Variants in IQCM observed in about 807,000 individuals in gnomAD.
IQCM encodes IQ domain-containing protein M.
In IQCM, 45 loss-of-function variants were observed where a neutral mutation model predicts 57.6. That is an observed-to-expected ratio of 0.78 (90% CI 0.62 to 1.00). The LOEUF is 1.00. Among genes scored for constraint, IQCM ranks in the 50% least tolerant of loss-of-function variants. The pLI is 0.00. For synonymous variants in IQCM, 148 were observed against 158.9 expected (o/e 0.93, Z 0.51); for missense variants, 468 against 511.6 (o/e 0.91, Z 0.82).
intron 12 of IQCM, among the ~76,000 whole-genome samples, chr4:149,468,989 G>T (rs1218188066): frequency 1.3e-5 from 2 of 152,160 alleles, no homozygotes; most frequent in Non-Finnish European, 2.9e-5. Flanking sequence ...CATCATCAAA[G>T]ACCAAAGGTA....
chr4:149,655,189 T>G (rs1300330818), intron 7 of IQCM, among the ~76,000 whole-genome samples: 1 of 152,188 alleles, frequency 6.6e-6, no homozygotes, highest in South Asian at 2.1e-4. Flanking sequence ...CCATCAATAC[T>G]TATTGACTGT....
At chr4:149,791,463 T>C (rs996862344) in intron 2 of IQCM, among the ~76,000 whole-genome samples, 1 of 152,128 alleles carries the variant, frequency 6.6e-6, no homozygotes, top group Non-Finnish European at 1.5e-5. Flanking sequence ...TATTTTGAAA[T>C]ATGCAAAAAA....
intron 7 of IQCM, among the ~76,000 whole-genome samples, chr4:149,658,070 T>C (rs1439184334): frequency 6.6e-6 from 1 of 152,092 alleles, no homozygotes; most frequent in East Asian, 1.9e-4. Flanking sequence ...TGCATTTGAG[T>C]CTCATCCTTG....
At chr4:149,371,806 G>C (rs967302866) in intron 13 of IQCM, among the ~76,000 whole-genome samples, 1 of 151,990 alleles carries the variant, frequency 6.6e-6, no homozygotes, top group Non-Finnish European at 1.5e-5. Context: ...ATAAAACATT[G>C]CTTAATTCAT....
chr4:149,529,478 G>T (rs1252432836), intron 12 of IQCM, among the ~76,000 whole-genome samples: 1 of 152,056 alleles, frequency 6.6e-6, no homozygotes, highest in East Asian at 1.9e-4. Context: ...AACCATAAAG[G>T]TCTCATCCCA....
rs183754565 is a variant in IQCM at position 149,570,460 on chromosome 4, C to T, written c.750-6570G>A. Among the ~76,000 whole-genome samples the T allele has an allele frequency of 9.4e-4, 143 of 151,968 alleles. 1 individual carries two copies. Among genetic ancestry groups the T allele is most frequent in the African/African-American group, 3.2e-3 (132 of 41,492 alleles). ...CAACTAATGGAATGTTACAGGAAAACACATATTGGGAAATTTGAGGATATT... is the reference window on the plus strand; with the variant it reads ...CAACTAATGGAATGTTACAGGAAAATACATATTGGGAAATTTGAGGATATT... On this transcript the variant is annotated intron_variant, in intron 9 of 13. Coordinates refer to ENST00000636793, the MANE Select transcript of IQCM (RefSeq NM_001363507.2).
intron 5 of IQCM, among the ~76,000 whole-genome samples, chr4:149,701,357 A>G (rs982117876): frequency 2.6e-5 from 4 of 152,074 alleles, no homozygotes; most frequent in African/African-American, 9.7e-5. Context: ...TAACCTTGAC[A>G]TAGCAAGAAG....
At chr4:149,488,724 T>A (rs1203990698) in intron 12 of IQCM, among the ~76,000 whole-genome samples, 2 of 152,108 alleles carry the variant, frequency 1.3e-5, no homozygotes, top group Non-Finnish European at 2.9e-5. Flanking sequence ...AGGATAACTT[T>A]AATTTGGAAC....
chr4:149,692,436 T>G (rs1013184305), intron 5 of IQCM, among the ~76,000 whole-genome samples: 2 of 152,194 alleles, frequency 1.3e-5, no homozygotes, highest in South Asian at 4.1e-4. Flanking sequence ...ATGTATTTTT[T>G]AAATCTTTAT....
At chr4:149,611,774 A>G (rs570714719) in intron 8 of IQCM, among the ~76,000 whole-genome samples, 10 of 152,166 alleles carry the variant, frequency 6.6e-5, no homozygotes, top group African/African-American at 2.4e-4. Context: ...TGTTCAGTAG[A>G]ACAATAGGGC....
intron 13 of IQCM, among the ~76,000 whole-genome samples, chr4:149,356,284 T>C (rs752431550): frequency 7.6e-4 from 115 of 152,246 alleles, no homozygotes; most frequent in African/African-American, 2.5e-3. Flanking sequence ...TTTTGTTGCC[T>C]TTGCTTTTGG....
intron 12 of IQCM, among the ~76,000 whole-genome samples, chr4:149,446,889 A>G (rs985900046): frequency 6.6e-6 from 1 of 151,558 alleles, no homozygotes; most frequent in African/African-American, 2.4e-5. Context: ...TGTTTTCAGC[A>G]AAACAAAATG....
Position 149,587,977 on chromosome 4 carries a change from A to G in IQCM, c.702T>C (p.Ile234=). Residue 234 remains isoleucine (I), a synonymous_variant, in exon 9 of 14, where the codon ATT becomes ATC. Transcript: ENST00000636793. ...GCTTGATAGGTTGTCGCTCCTTTTT[A>G]ATAAGGGTTTTAAAGGTTTTCTATA... ...DYYSKTFKTL[I]KKERQPIKPE... The G allele has an allele frequency of 8.2e-7, 1 of 1,225,300 alleles. No homozygotes were observed. The highest frequency in any genetic ancestry group is 1.0e-6 in the Non-Finnish European group (1 of 982,394). 75.9% of individuals were successfully genotyped at this position (1,225,300 alleles called of 1,614,324 possible). A position where few individuals can be genotyped will look rare whatever the true frequency, so the allele number is the denominator to read the frequency against.
At chr4:149,689,195 G>A (rs759119603) in intron 5 of IQCM, among the ~76,000 whole-genome samples, 1 of 152,086 alleles carries the variant, frequency 6.6e-6, no homozygotes, top group Non-Finnish European at 1.5e-5. Flanking sequence ...TAAAGAATGT[G>A]TGGTACATAT....
At chr4:149,696,168 G>A (rs1763322780) in intron 5 of IQCM, among the ~76,000 whole-genome samples, 2 of 151,444 alleles carry the variant, frequency 1.3e-5, no homozygotes, top group Admixed American at 1.3e-4. Flanking sequence ...TTGTACAGTG[G>A]TTGCTCTGTG....
intron 7 of IQCM, among the ~76,000 whole-genome samples, chr4:149,666,581 G>A (rs778131183): frequency 9.2e-5 from 14 of 152,136 alleles, no homozygotes; most frequent in East Asian, 3.9e-4. Flanking sequence ...AGACAGAACC[G>A]TTTACTCCCC....
chr4:149,719,917 C>T (rs368830124), intron 5 of IQCM, among the ~76,000 whole-genome samples: 31 of 152,052 alleles, frequency 2.0e-4, no homozygotes, highest in Admixed American at 1.1e-3. Context: ...TAAAGAATAC[C>T]GAGAAGCCAA....
chr4:149,607,829 C>T (rs995932104), intron 8 of IQCM, among the ~76,000 whole-genome samples: 5 of 151,606 alleles, frequency 3.3e-5, no homozygotes, highest in Admixed American at 2.6e-4. Context: ...CAAAGAAAAT[C>T]ACTTTTACAC....
chr4:149,492,201 G>T (rs1742166469), intron 12 of IQCM, among the ~76,000 whole-genome samples: 1 of 151,942 alleles, frequency 6.6e-6, no homozygotes, highest in Non-Finnish European at 1.5e-5. Flanking sequence ...CATTCCATAG[G>T]GTTTTCTCTT....
Sources: gnomAD v4.1 joint callset for allele counts (sites outside exome capture counted in the v4.1 genomes callset) on GRCh38, gnomAD v4.1.1 for gene constraint, MANE v1.5 for transcripts, NCBI Gene and HGNC (gene_info 2026-07-23, HGNC 2026-07-21) for gene names.